VRK2: variants seen among roughly 807,000 people sequenced by gnomAD.
The protein encoded by VRK2 is serine/threonine-protein kinase VRK2.
In VRK2, 60 loss-of-function variants were observed where a neutral mutation model predicts 57.6. The ratio of observed to expected loss-of-function variants is 1.04; its 90% confidence interval spans 0.85 to 1.29. The LOEUF (loss-of-function observed/expected upper bound fraction) is 1.29. Among genes scored for constraint, VRK2 ranks in the 50% most tolerant of loss-of-function variants. The pLI, the probability that VRK2 is intolerant of heterozygous loss-of-function variation, is 0.00. For synonymous variants in VRK2, 231 were observed against 199.2 expected, an observed-to-expected ratio of 1.16 and a Z score of -1.35; for missense variants, 705 against 588.1, an observed-to-expected ratio of 1.20 and a Z score of -2.06.
intron 12 of VRK2, among the ~76,000 whole-genome samples, chr2:58,155,916 T>TG (rs1403621665): frequency 3.8e-5 from 5 of 132,090 alleles, no homozygotes; most frequent in Admixed American, 1.6e-4. Flanking sequence ...ATGTTTTTCA[T>TG]GTTTGTTTTT....
chr2:58,108,761 T>C (rs1315220693), intron 7 of VRK2, among the ~76,000 whole-genome samples: 1 of 152,218 alleles, frequency 6.6e-6, no homozygotes, highest in African/African-American at 2.4e-5. Context: ...ATATGTTACC[T>C]CTAGGCCTGT....
intron 1 of VRK2, among the ~76,000 whole-genome samples, chr2:58,022,516 GAA>G (rs1673789544): frequency 6.6e-6 from 1 of 152,170 alleles, no homozygotes; most frequent in South Asian, 2.1e-4. Flanking sequence ...GCAAATGTAG[GAA>G]AAGAGTATGT....
intron 1 of VRK2, among the ~76,000 whole-genome samples, chr2:58,008,999 G>A (rs1162116993): frequency 6.6e-6 from 1 of 152,084 alleles, no homozygotes; most frequent in East Asian, 1.9e-4. Context: ...GGTAGAAGGT[G>A]ATTCCCTCTG....
chr2:58,056,496 A>G (rs1220275674), intron 2 of VRK2, among the ~76,000 whole-genome samples: 3 of 152,144 alleles, frequency 2.0e-5, no homozygotes, highest in African/African-American at 7.2e-5. Flanking sequence ...TAATTAAAGA[A>G]GTGACATGAG....
intron 7 of VRK2, among the ~76,000 whole-genome samples, chr2:58,120,938 T>G (rs959799495): frequency 6.6e-6 from 1 of 152,358 alleles, no homozygotes; most frequent in Admixed American, 6.5e-5. Flanking sequence ...CACTGAAGTT[T>G]AGTTCAAACT....
upstream of VRK2, chr2:58,046,380 T>C: frequency 1.6e-6 from 1 of 609,452 alleles, no homozygotes; most frequent in Non-Finnish European, 2.1e-6. Context: ...CAGGCCCTCC[T>C]AACTGGAGTC....
At chr2:58,148,791 CT>C (rs1682549152) in intron 12 of VRK2, among the ~76,000 whole-genome samples, 1 of 151,662 alleles carries the variant, frequency 6.6e-6, no homozygotes, top group South Asian at 2.1e-4. Context: ...CTTTGGAGCC[CT>C]TTTCAAAAGT....
At chr2:58,137,165 T>TCATATATCATATATATCATATATAATA (rs1680400432) in intron 10 of VRK2, among the ~76,000 whole-genome samples, 2 of 4,900 alleles carry the variant, frequency 4.1e-4, no homozygotes, top group Non-Finnish European at 1.6e-3. Context: ...TTTATATATA[T>TCATATATCATATATATCATATATAATA]CATATATCAT....
rs1007842764 is a variant in VRK2, at chr2:58,151,837, T to A, written c.1182+5363T>A. Among the ~76,000 whole-genome samples, 4 of 146,552 alleles carry A rather than the reference T, an allele frequency of 2.7e-5. No homozygotes were observed. In the South Asian group the frequency reaches 8.9e-4, roughly 33 times the overall value. On this transcript the variant is annotated intron_variant, in intron 12 of 12. Coordinates refer to ENST00000340157, the MANE Select transcript of VRK2 (RefSeq NM_006296.7). ...GGGCCAAATTCAGCCAACCACCTAT[T>A]TTTGTAAATAGTTTTATTGGAACAT...
chr2:58,137,029 A>ATATATATCATATATAATATATATGTG (rs1284951832), intron 10 of VRK2, among the ~76,000 whole-genome samples: 2 of 130,568 alleles, frequency 1.5e-5, no homozygotes, highest in African/African-American at 6.0e-5. Flanking sequence ...TCATATGTGT[A>ATATATATCATATATAATATATATGTG]TATATATCAT....
chr2:58,050,276 A>C (rs1415729160), intron 2 of VRK2, among the ~76,000 whole-genome samples: 1 of 152,224 alleles, frequency 6.6e-6, no homozygotes, highest in African/African-American at 2.4e-5. Flanking sequence ...GAAAGTCTTC[A>C]AAATCCAAGG....
At chr2:57,920,354 C>T (rs765396323) in intron 1 of VRK2, among the ~76,000 whole-genome samples, 1 of 152,052 alleles carries the variant, frequency 6.6e-6, no homozygotes, top group South Asian at 2.1e-4. Flanking sequence ...GACTGCCTGG[C>T]TAATACAGAA....
intron 1 of VRK2, among the ~76,000 whole-genome samples, chr2:58,015,369 G>GA (rs1188099436): frequency 1.3e-5 from 2 of 152,200 alleles, no homozygotes; most frequent in Non-Finnish European, 2.9e-5. Flanking sequence ...GCTTGGCTAT[G>GA]AATCCTGGCC....
intron 1 of VRK2, among the ~76,000 whole-genome samples, chr2:57,937,369 C>T (rs1670948485): frequency 6.6e-6 from 1 of 151,914 alleles, no homozygotes; most frequent in African/African-American, 2.4e-5. Context: ...TTTTTTCCTT[C>T]CTTCAGAAAA....
At chr2:58,100,945 A>T (rs536260505) in intron 7 of VRK2, among the ~76,000 whole-genome samples, 1 of 151,734 alleles carries the variant, frequency 6.6e-6, no homozygotes, top group Admixed American at 6.6e-5. Flanking sequence ...TAGTGTTCCT[A>T]TTGTCCAAAT....
At chr2:57,909,217 T>G (rs1669914096) in intron 1 of VRK2, among the ~76,000 whole-genome samples, 1 of 152,180 alleles carries the variant, frequency 6.6e-6, no homozygotes, top group African/African-American at 2.4e-5. Flanking sequence ...TCATTTGACT[T>G]TGTATAAAGT....
intron 1 of VRK2, among the ~76,000 whole-genome samples, chr2:58,001,498 C>T (rs759433541): frequency 2.0e-5 from 3 of 152,120 alleles, no homozygotes; most frequent in Admixed American, 6.5e-5. Context: ...TGCATTTCTA[C>T]GGAAAATAAA....
At chr2:57,987,413 T>C (rs926941801) in intron 1 of VRK2, among the ~76,000 whole-genome samples, 21 of 152,252 alleles carry the variant, frequency 1.4e-4, no homozygotes, top group African/African-American at 5.1e-4. Context: ...GTGTTCAAGA[T>C]CATTAGTAAT....
chr2:58,031,743 G>T (rs1174395460), intron 2 of VRK2, among the ~76,000 whole-genome samples: 1 of 151,944 alleles, frequency 6.6e-6, no homozygotes, highest in Non-Finnish European at 1.5e-5. Context: ...AGCTACCTCT[G>T]GATTGCTGCT....
Sources: allele counts gnomAD v4.1 joint callset (sites outside exome capture counted in the v4.1 genomes callset), GRCh38; gene constraint gnomAD v4.1.1; transcripts MANE v1.5; gene names NCBI Gene and HGNC (gene_info 2026-07-23, HGNC 2026-07-21).